The following CSMD3 variants were observed in gnomAD, a reference collection of about 807,000 sequenced individuals.
CSMD3 encodes CUB and Sushi multiple domains 3.
A neutral mutation model predicts 435.2 loss-of-function variants in CSMD3; 177 were observed. The observed-to-expected ratio is 0.41, with a 90% confidence interval of 0.36 to 0.46. The LOEUF is 0.46. CSMD3 is among the 20% of genes least tolerant of loss of function. The pLI, the probability that CSMD3 is intolerant of heterozygous loss-of-function variation, is 0.34. For missense variants in CSMD3, 4,265 were observed against 4,504.6 expected, an observed-to-expected ratio of 0.95 and a Z score of 1.52; for synonymous variants, 1,656 against 1,520.5, an observed-to-expected ratio of 1.09 and a Z score of -2.07.
intron 1 of CSMD3, among the ~76,000 whole-genome samples, chr8:113,432,253 C>T (rs1252727265): frequency 6.6e-6 from 1 of 152,164 alleles, no homozygotes; most frequent in Admixed American, 6.5e-5. Flanking sequence ...TTCTGGTAAC[C>T]GTTCAAGCCC....
At chr8:113,084,875 T>C (rs1161595304) in intron 5 of CSMD3, among the ~76,000 whole-genome samples, 1 of 152,010 alleles carries the variant, frequency 6.6e-6, no homozygotes, top group Non-Finnish European at 1.5e-5. Context: ...GAACCCCCTC[T>C]TCAATAAATA....
rs200982347 is a variant in CSMD3 at position 112,640,428 on chromosome 8, TA to T, written c.3311-1518del. Reference sequence around the variant, plus strand: ...AAATTCTTAAGAGTCTCCATTGTTTTAAAAAAAAGGGGACAGAAAATGAGAC... The same window carrying T: ...AAATTCTTAAGAGTCTCCATTGTTTTAAAAAAAGGGGACAGAAAATGAGAC... On this transcript the variant is annotated intron_variant, in intron 20 of 70. Transcript: ENST00000297405. 1.9e-4 allele frequency among the ~76,000 whole-genome samples: 29 copies of T among 151,442 alleles called. 1 individual carries two copies. Among genetic ancestry groups the T allele is most frequent in the African/African-American group, 6.3e-4 (26 of 41,370 alleles).
intron 1 of CSMD3, among the ~76,000 whole-genome samples, chr8:113,414,175 A>C (rs922439052): frequency 1.4e-4 from 22 of 152,244 alleles, no homozygotes; most frequent in African/African-American, 5.1e-4. Context: ...ACATGTAGCT[A>C]TTGAGTATGT....
intron 5 of CSMD3, among the ~76,000 whole-genome samples, chr8:113,091,975 A>ATGTGGTATCTATACCTTATT (rs1209970132): frequency 6.6e-6 from 1 of 151,892 alleles, no homozygotes; most frequent in East Asian, 1.9e-4. Context: ...ATACCCATAT[A>ATGTGGTATCTATACCTTATT]TGTGGTATCT....
intron 16 of CSMD3, among the ~76,000 whole-genome samples, chr8:112,678,554 G>A (rs1182682976): frequency 2.0e-5 from 3 of 152,080 alleles, no homozygotes; most frequent in Non-Finnish European, 4.4e-5. Flanking sequence ...AAGAAAGAAA[G>A]CCAAGTAATG....
chr8:112,852,909 G>C (rs1040736401), intron 11 of CSMD3, among the ~76,000 whole-genome samples: 2 of 130,934 alleles, frequency 1.5e-5, no homozygotes, highest in African/African-American at 5.9e-5. Flanking sequence ...GTGACAGAGT[G>C]AGACTCCACC....
rs1299400499 is a variant in CSMD3 at position 112,536,051 on chromosome 8, C to A, written c.4564+14620G>T. ...ATGGATTAAAGACTTAAATGTTAGA[C>A]CTAAAACCATAAAAACCCTAGAAGA... On this transcript the variant is annotated intron_variant, in intron 27 of 70. Coordinates refer to ENST00000297405, the MANE Select transcript of CSMD3 (RefSeq NM_198123.2). 3.9e-5 allele frequency among the ~76,000 whole-genome samples: 6 copies of A among 152,196 alleles called. No individual in the cohort carries two copies. The East Asian group carries it at 1.2e-3, about 29-fold the overall frequency.
chr8:112,320,612 T>C (rs1159357353), intron 45 of CSMD3, among the ~76,000 whole-genome samples: 1 of 151,796 alleles, frequency 6.6e-6, no homozygotes, highest in Admixed American at 6.6e-5. Flanking sequence ...TTACATTAGG[T>C]ATATCTCCGA....
chr8:113,029,648 G>C (rs1411374433), intron 5 of CSMD3, among the ~76,000 whole-genome samples: 5 of 151,548 alleles, frequency 3.3e-5, no homozygotes, highest in Non-Finnish European at 7.4e-5. Flanking sequence ...AGCCATCTAT[G>C]AAACACCCAC....
intron 3 of CSMD3, among the ~76,000 whole-genome samples, chr8:113,260,813 G>A (rs978740551): frequency 6.6e-6 from 1 of 152,112 alleles, no homozygotes; most frequent in Non-Finnish European, 1.5e-5. Flanking sequence ...TTGTGAGTGA[G>A]AACATGTGGT....
At chr8:112,520,924 A>T (rs1824217427) in intron 27 of CSMD3, among the ~76,000 whole-genome samples, 1 of 151,886 alleles carries the variant, frequency 6.6e-6, no homozygotes, top group African/African-American at 2.4e-5. Flanking sequence ...CCATCACCTC[A>T]CTGGTATTTA....
chr8:112,932,349 AT>A (rs1186804270), intron 9 of CSMD3, among the ~76,000 whole-genome samples: 3 of 152,248 alleles, frequency 2.0e-5, no homozygotes, highest in African/African-American at 7.2e-5. Context: ...GAAAGACAAA[AT>A]ATCACAAATT....
chr8:112,262,617 C>T (rs1371281734), intron 61 of CSMD3, among the ~76,000 whole-genome samples: 2 of 152,052 alleles, frequency 1.3e-5, no homozygotes, highest in African/African-American at 2.4e-5. Context: ...GAAGGCAATA[C>T]TGAAAAAAGA....
chr8:112,620,384 G>T (rs1485767800), intron 22 of CSMD3, among the ~76,000 whole-genome samples: 1 of 152,110 alleles, frequency 6.6e-6, no homozygotes, highest in East Asian at 1.9e-4. Flanking sequence ...AAATATTTTA[G>T]AGTGAAATAT....
intron 31 of CSMD3, among the ~76,000 whole-genome samples, chr8:112,482,553 T>A (rs1244363984): frequency 6.6e-6 from 1 of 152,154 alleles, no homozygotes. Context: ...TACCCCCAAG[T>A]TCCTGGAAAC....
chr8:112,611,602 A>G (rs745994318), intron 22 of CSMD3, among the ~76,000 whole-genome samples: 1 of 152,174 alleles, frequency 6.6e-6, no homozygotes, highest in African/African-American at 2.4e-5. Flanking sequence ...AACATGCTCT[A>G]TAATAGACTA....
chr8:112,371,906 A>C (rs1422099758), intron 38 of CSMD3, among the ~76,000 whole-genome samples: 1 of 152,022 alleles, frequency 6.6e-6, no homozygotes, highest in Non-Finnish European at 1.5e-5. Context: ...AAACCAAAAA[A>C]ACAAAAAACA....
At chr8:112,442,278 T>C (rs1393010089) in intron 32 of CSMD3, among the ~76,000 whole-genome samples, 1 of 152,138 alleles carries the variant, frequency 6.6e-6, no homozygotes, top group Admixed American at 6.5e-5. Flanking sequence ...CACCTCCTAC[T>C]ATACCCCACC....
At chr8:112,692,997 T>A (rs1456183202) in intron 13 of CSMD3, among the ~76,000 whole-genome samples, 1 of 151,856 alleles carries the variant, frequency 6.6e-6, no homozygotes, top group African/African-American at 2.4e-5. Flanking sequence ...ATAGCCTGTA[T>A]AAAGTTCAGG....
Sources: allele counts gnomAD v4.1 joint callset (sites outside exome capture counted in the v4.1 genomes callset), GRCh38; gene constraint gnomAD v4.1.1; transcripts MANE v1.5; gene names NCBI Gene and HGNC (gene_info 2026-07-23, HGNC 2026-07-21).